Variants in CAMK2D observed in about 807,000 individuals in gnomAD.
CAMK2D encodes the protein calcium/calmodulin dependent protein kinase II delta, also known as calcium/calmodulin-dependent protein kinase type II subunit delta.
Under a neutral mutation model 84.0 loss-of-function variants are expected in CAMK2D, and 37 were observed. That is an observed-to-expected ratio of 0.44 (90% CI 0.34 to 0.58). The LOEUF (loss-of-function observed/expected upper bound fraction) is 0.58, where lower values mean the gene tolerates loss of function less well. Ranked by LOEUF, CAMK2D falls within the 20% of genes least tolerant of loss-of-function variation. The pLI is 0.02. For missense variants in CAMK2D, 448 were observed against 652.5 expected, an observed-to-expected ratio of 0.69 and a Z score of 3.41; for synonymous variants, 202 against 212.5, an observed-to-expected ratio of 0.95 and a Z score of 0.43.
intron 3 of CAMK2D, among the ~76,000 whole-genome samples, chr4:113,623,899 G>T (rs1407272630): frequency 6.6e-6 from 1 of 152,056 alleles, no homozygotes; most frequent in Non-Finnish European, 1.5e-5. Context: ...CCCTCAAGGA[G>T]CTTCTCATTG....
chr4:113,517,866 G>T (rs1479356870), intron 8 of CAMK2D, among the ~76,000 whole-genome samples: 5 of 152,152 alleles, frequency 3.3e-5, no homozygotes, highest in African/African-American at 1.2e-4. Flanking sequence ...CTCTGACAAT[G>T]TGTCAGTCAA....
At chr4:113,672,318 G>A (rs1257977479) in intron 2 of CAMK2D, among the ~76,000 whole-genome samples, 1 of 152,058 alleles carries the variant, frequency 6.6e-6, no homozygotes, top group African/African-American at 2.4e-5. Context: ...TGACAAAAAA[G>A]CAAATCTTAT....
intron 3 of CAMK2D, among the ~76,000 whole-genome samples, chr4:113,650,933 T>G (rs1256251486): frequency 6.6e-6 from 1 of 152,208 alleles, no homozygotes; most frequent in Non-Finnish European, 1.5e-5. Flanking sequence ...GTTATCTTCT[T>G]TGGTGAACAA....
intron 12 of CAMK2D, among the ~76,000 whole-genome samples, chr4:113,510,361 T>TA (rs751334578): frequency 2.0e-5 from 3 of 152,140 alleles, no homozygotes; most frequent in Non-Finnish European, 4.4e-5. Flanking sequence ...AATGAAAAAG[T>TA]AAAAATCATA....
intron 16 of CAMK2D, among the ~76,000 whole-genome samples, chr4:113,496,201 A>T (rs1020260359): frequency 6.6e-6 from 1 of 152,194 alleles, no homozygotes; most frequent in Admixed American, 6.5e-5. Flanking sequence ...TGTACTGTTA[A>T]CTGCTAATTA....
chr4:113,647,171 A>C (rs933627990), intron 3 of CAMK2D, among the ~76,000 whole-genome samples: 1 of 152,232 alleles, frequency 6.6e-6, no homozygotes, highest in Non-Finnish European at 1.5e-5. Context: ...TTGTGTGTGA[A>C]GGAATCAGGA....
At chr4:113,542,294 CA>C (rs781291623) in intron 6 of CAMK2D, among the ~76,000 whole-genome samples, 11 of 152,286 alleles carry the variant, frequency 7.2e-5, no homozygotes, top group Admixed American at 2.6e-4. Flanking sequence ...TCTAAATATA[CA>C]TACACAGATG....
At chr4:113,730,416 G>T (rs904712514) in intron 2 of CAMK2D, among the ~76,000 whole-genome samples, 3 of 152,038 alleles carry the variant, frequency 2.0e-5, no homozygotes, top group African/African-American at 7.2e-5. Flanking sequence ...ATAGCAGAAA[G>T]GTTTTCCTGT....
chr4:113,599,718 C>G (rs886849089), intron 4 of CAMK2D, among the ~76,000 whole-genome samples: 1 of 151,946 alleles, frequency 6.6e-6, no homozygotes, highest in Admixed American at 6.6e-5. Context: ...TTGTATGTTA[C>G]GTGTATTATA....
At chr4:113,688,761 A>C (rs1053609526) in intron 2 of CAMK2D, among the ~76,000 whole-genome samples, 2 of 152,048 alleles carry the variant, frequency 1.3e-5, no homozygotes, top group African/African-American at 4.8e-5. Context: ...TCCAGTTTCC[A>C]CTAAACGAGG....
At chr4:113,600,966 A>C (rs2098949540) in intron 4 of CAMK2D, among the ~76,000 whole-genome samples, 1 of 152,254 alleles carries the variant, frequency 6.6e-6, no homozygotes, top group Non-Finnish European at 1.5e-5. Context: ...AGAAATCCTT[A>C]TTCTCATCAA....
In CAMK2D at chr4:113,660,252, T is replaced by C. The variant is rs183657185; in HGVS notation, c.220+1461A>G. Among the ~76,000 whole-genome samples the C allele has an allele frequency of 1.5e-3, 224 of 152,344 alleles. 1 individual carries two copies. Among genetic ancestry groups the C allele is most frequent in the African/African-American group, 5.2e-3 (217 of 41,578 alleles). On this transcript the variant is annotated intron_variant, in intron 3 of 20. Coordinates refer to ENST00000511664, the MANE Select transcript of CAMK2D (RefSeq NM_001321571.2). ...ATCCAGTTTACACATATTTCTGAAT[T>C]TACTTTTTCTTTCCTGTGTTTTTCT...
At chr4:113,517,945 C>T (rs1240744982) in intron 8 of CAMK2D, among the ~76,000 whole-genome samples, 1 of 152,046 alleles carries the variant, frequency 6.6e-6, no homozygotes, top group Non-Finnish European at 1.5e-5. Context: ...TTCTTTGGCC[C>T]CCCTGAACTC....
Position 113,761,197 on chromosome 4 carries a change from G to A in CAMK2D, c.-129C>T, listed in dbSNP as rs2099640744. The A allele has an allele frequency of 1.3e-6, 2 of 1,562,116 alleles. No homozygotes were observed. The highest frequency in any genetic ancestry group is 1.8e-5 in the Admixed American group (1 of 55,472). On this transcript the variant is annotated 5_prime_UTR_variant, in exon 1 of 21. Coordinates refer to ENST00000511664, the MANE Select transcript of CAMK2D (RefSeq NM_001321571.2). ...CTCTTACTTTCCTGGTCCGAAAGTA[G>A]CTCGCCCGCGAGGGAGTGTGCGCAG...
chr4:113,737,398 G>A (rs2099583667), intron 2 of CAMK2D, among the ~76,000 whole-genome samples: 1 of 152,144 alleles, frequency 6.6e-6, no homozygotes, highest in African/African-American at 2.4e-5. Flanking sequence ...AAAAAGACAA[G>A]TAGTGTATGC....
chr4:113,719,780 A>C (rs1253216127), intron 2 of CAMK2D, among the ~76,000 whole-genome samples: 1 of 152,166 alleles, frequency 6.6e-6, no homozygotes, highest in Non-Finnish European at 1.5e-5. Context: ...ATCCCAAATT[A>C]AATAAAAGAA....
intron 2 of CAMK2D, among the ~76,000 whole-genome samples, chr4:113,693,048 T>C (rs1188022663): frequency 6.6e-6 from 1 of 152,006 alleles, no homozygotes; most frequent in Admixed American, 6.6e-5. Context: ...ACAGGAGATG[T>C]AAAAAATAAA....
intron 4 of CAMK2D, among the ~76,000 whole-genome samples, chr4:113,567,043 A>G (rs918846577): frequency 3.3e-5 from 5 of 152,210 alleles, no homozygotes; most frequent in Admixed American, 6.5e-5. Flanking sequence ...AATTACTTAA[A>G]AAAAATCAGA....
At chr4:113,675,194 T>G (rs1488608733) in intron 2 of CAMK2D, among the ~76,000 whole-genome samples, 1 of 152,192 alleles carries the variant, frequency 6.6e-6, no homozygotes, top group Non-Finnish European at 1.5e-5. Context: ...ACATGATAGA[T>G]TCTCACTGAA....
Sources: allele counts gnomAD v4.1 joint callset (sites outside exome capture counted in the v4.1 genomes callset), GRCh38; gene constraint gnomAD v4.1.1; transcripts MANE v1.5; gene names NCBI Gene and HGNC (gene_info 2026-07-23, HGNC 2026-07-21).